Variants in TMEM97 observed in about 807,000 individuals in gnomAD.
TMEM97 encodes the protein transmembrane protein 97.
Under a neutral mutation model 18.3 loss-of-function variants are expected in TMEM97, and 13 were observed. The observed-to-expected ratio is 0.71, with a 90% confidence interval of 0.46 to 1.13. TMEM97 has a LOEUF of 1.13. Ranked by LOEUF, TMEM97 falls within the 50% of genes most tolerant of loss-of-function variation. TMEM97 has a pLI of 0.00. For synonymous variants in TMEM97, 76 were observed against 85.3 expected, an observed-to-expected ratio of 0.89 and a Z score of 0.60; for missense variants, 205 against 210.5, an observed-to-expected ratio of 0.97 and a Z score of 0.16.
rs538038865 is a variant in TMEM97 at position 28,321,800 on chromosome 17, CTGTGTG to C, written c.126+2473_126+2478del. Among the ~76,000 whole-genome samples, 371 of 132,290 alleles carry C rather than the reference CTGTGTG, an allele frequency of 2.8e-3. 1 individual carries two copies. The highest frequency in any genetic ancestry group is 8.7e-3 in the African/African-American group (298 of 34,438). 86.8% of individuals were successfully genotyped at this position (132,290 alleles called of 152,430 possible). ...AGTGCAGGCAGCATCTGGCCAGAAC[CTGTGTG>C]TGTGTGTGTGTGTGTGTGTGTGTGT... On this transcript the variant is annotated intron_variant, in intron 1 of 2. Coordinates refer to ENST00000226230, the MANE Select transcript of TMEM97 (RefSeq NM_014573.3).
chr17:28,325,862 C>T (rs1906314421), intron 2 of TMEM97: 3 of 607,002 alleles, frequency 4.9e-6, no homozygotes, highest in East Asian at 2.9e-5. Context: ...CTGCCTCAGT[C>T]GTCTGGAAAT....
intron 2 of TMEM97, chr17:28,325,941 A>G (rs1906317154): frequency 4.8e-6 from 2 of 419,492 alleles, no homozygotes; most frequent in Non-Finnish European, 8.5e-6. Context: ...TTGTTCCCCA[A>G]CAGAATTAAT....
At chr17:28,324,000 AAAT>A (rs1173595642) in intron 1 of TMEM97, among the ~76,000 whole-genome samples, 1 of 152,190 alleles carries the variant, frequency 6.6e-6, no homozygotes, top group African/African-American at 2.4e-5. Flanking sequence ...GTCTCAAAAA[AAAT>A]AATAATAATT....
At chr17:28,319,538 GT>G (rs778413700) in intron 1 of TMEM97, 173 bp downstream of exon 1, 47 of 782,870 alleles carry the variant, frequency 6.0e-5, no homozygotes, top group Admixed American at 1.9e-4. Flanking sequence ...CTCGGGCTTT[GT>G]CTCTATCCCA....
rs1555575382 is a variant in TMEM97 at position 28,325,633 on chromosome 17, A to G, written c.257A>G (p.Tyr86Cys). ...FQLPFFPIAT[Y>C]AFLKGSCKWI... ...CTGCCTTTCTTTCCCATTGCAACGT[A>G]TGCCTTCCTCAAAGGTTGGTAAATG... Residue 86 changes from tyrosine (Y) to cysteine (C), a missense_variant, in exon 2 of 3, where the codon TAT becomes TGT. Physicochemically the swap from Tyr to Cys is radical, Grantham distance 194. Transcript: ENST00000226230. The G allele has an allele frequency of 6.2e-7, 1 of 1,614,142 alleles. No homozygotes were observed. The highest frequency in any genetic ancestry group is 2.2e-5 in the East Asian group (1 of 44,884).
Position 28,325,661 on chromosome 17 carries a change from G to A in TMEM97, c.271+14G>A. 5 of 1,613,346 alleles carry A rather than the reference G, an allele frequency of 3.1e-6. No individual in the cohort carries two copies. The highest frequency in any genetic ancestry group is 4.2e-6 in the Non-Finnish European group (5 of 1,179,758). Reference sequence around the variant, plus strand: ...CCTTCCTCAAAGGTTGGTAAATGGTGGGAAAATCCCATTTTTACTCAGAAA... The same window carrying A: ...CCTTCCTCAAAGGTTGGTAAATGGTAGGAAAATCCCATTTTTACTCAGAAA... On this transcript the variant is annotated intron_variant, in intron 2 of 2. Transcript: ENST00000226230.
In TMEM97 at chr17:28,319,376, C is replaced by T; in HGVS notation, c.126+11C>T. Reference sequence around the variant, plus strand: ...CTCTACCCAGTCGAGGTGAGGGGCGCCCCTCTTATCCCGGCCCGCTGAGGC... The same window carrying T: ...CTCTACCCAGTCGAGGTGAGGGGCGTCCCTCTTATCCCGGCCCGCTGAGGC... On this transcript the variant is annotated intron_variant, in intron 1 of 2. Transcript: ENST00000226230. The T allele has an allele frequency of 6.4e-7, 1 of 1,551,796 alleles. No homozygotes were observed.
In TMEM97 at chr17:28,326,760, C is replaced by A; in HGVS notation, c.498C>A (p.Tyr166Ter). Reference sequence around the variant, plus strand: ...TAATTTTCATGTTGCGGAGCCCCTACTACAAGTATGAAGAGAAAAGAAAAA... The same window carrying A: ...TAATTTTCATGTTGCGGAGCCCCTAATACAAGTATGAAGAGAAAAGAAAAA... ...ILLIFMLRSP[Y>*]YKYEEKRKKK Residue 166 changes from tyrosine to a stop codon, truncating the protein, a stop_gained, in exon 3 of 3, where the codon TAC becomes TAA. Transcript: ENST00000226230. LOFTEE classifies it high-confidence loss of function. 1 of 1,613,676 alleles carries A rather than the reference C, an allele frequency of 6.2e-7. No individual in the cohort carries two copies. Among genetic ancestry groups the A allele is most frequent in the Non-Finnish European group, 8.5e-7 (1 of 1,179,986 alleles).
chr17:28,320,994 A>G (rs1555574856), intron 1 of TMEM97, among the ~76,000 whole-genome samples: 1 of 152,238 alleles, frequency 6.6e-6, no homozygotes, highest in Non-Finnish European at 1.5e-5. Flanking sequence ...CCTTTTGCCA[A>G]ATAAAGTAAT....
Position 28,319,335 on chromosome 17 carries a change from G to C in TMEM97, c.96G>C (p.Ala32=), listed in dbSNP as rs782254376. ...TCACCCTGTTCATGGACCTGCAGGC[G>C]GTGCTGCCGCGCGAGCTCTACCCAG... ...IPITLFMDLQ[A]VLPRELYPVE... The change falls in exon 1 of 3, where the codon GCG becomes GCC. Residue 32 remains alanine, a synonymous_variant. Transcript: ENST00000226230. 6.2e-7 allele frequency: 1 copy of C among 1,606,300 alleles called. No individual in the cohort carries two copies. The highest frequency in any genetic ancestry group is 8.5e-7 in the Non-Finnish European group (1 of 1,176,626).
chr17:28,326,945 C>A lies in TMEM97; in HGVS notation c.*152C>A. The A allele has an allele frequency of 7.4e-6, 7 of 944,308 alleles. No homozygotes were observed. The highest frequency in any genetic ancestry group is 1.1e-5 in the Non-Finnish European group (7 of 635,078). The allele number at this position is 944,308 out of a possible 1,614,324, so 58.5% of individuals were successfully genotyped here. On this transcript the variant is annotated 3_prime_UTR_variant, in exon 3 of 3. Coordinates refer to ENST00000226230, the MANE Select transcript of TMEM97 (RefSeq NM_014573.3). ...AGCAAGATGGTGTCAGGAACCATGT[C>A]AAACCCTCACCTTCTTCCATTTTTT...
Position 28,327,540 on chromosome 17 carries a change from T to C in TMEM97, c.*747T>C, listed in dbSNP as rs1162389038. On this transcript the variant is annotated 3_prime_UTR_variant, in exon 3 of 3. Transcript: ENST00000226230. The stretch of plus-strand genomic sequence containing the variant: ...AAGAGTGTATCACCTGTCAGCAAAA[T>C]GAATAGTGGGATATTTTGGGCCATT... 2 of 152,194 alleles carry C rather than the reference T, an allele frequency of 1.3e-5. No homozygotes were observed. Among genetic ancestry groups the C allele is most frequent in the Non-Finnish European group, 2.9e-5 (2 of 68,024 alleles). The allele number at this position is 152,194 out of a possible 1,614,324, so 9.4% of individuals were successfully genotyped here.
rs1555574646 is a variant in TMEM97, at chr17:28,319,224, G to A, written c.-16G>A. On this transcript the variant is annotated 5_prime_UTR_variant, in exon 1 of 3. Transcript: ENST00000226230. Reference sequence around the variant, plus strand: ...CCTCTTCTCACATCAGCGGGTCCAGGCCCAACCGACAGACTATGGGGGCTC... The same window carrying A: ...CCTCTTCTCACATCAGCGGGTCCAGACCCAACCGACAGACTATGGGGGCTC... 2 of 1,597,258 alleles carry A rather than the reference G, an allele frequency of 1.3e-6. No homozygotes were observed. The highest frequency in any genetic ancestry group is 1.7e-6 in the Non-Finnish European group (2 of 1,171,400).
At chr17:28,321,184 T>A (rs1437221156) in intron 1 of TMEM97, among the ~76,000 whole-genome samples, 1 of 152,246 alleles carries the variant, frequency 6.6e-6, no homozygotes, top group Non-Finnish European at 1.5e-5. Flanking sequence ...CTGTGGTTTT[T>A]GAAACCTGTG....
At chr17:28,325,361 C>CA in intron 1 of TMEM97, 142 bp from the exon 2 acceptor site, 1 of 1,060,710 alleles carries the variant, frequency 9.4e-7, no homozygotes, top group South Asian at 1.7e-5. Flanking sequence ...TCACAAAAGC[C>CA]AGCTGGACAT....
chr17:28,326,354 GGTGAGCTGTCA>G (rs1906332536), intron 2 of TMEM97, among the ~76,000 whole-genome samples, 169 bp from the exon 3 acceptor site: 1 of 152,130 alleles, frequency 6.6e-6, no homozygotes, highest in African/African-American at 2.4e-5. Flanking sequence ...GCGAGCTGTC[GGTGAGCTGTCA>G]CGTAAGTCTG....
Position 28,326,957 on chromosome 17 carries a change from T to C in TMEM97, c.*164T>C. ...TCAGGAACCATGTCAAACCCTCACC[T>C]TCTTCCATTTTTTTTTTTTTTTTAA... On this transcript the variant is annotated 3_prime_UTR_variant, in exon 3 of 3. Coordinates refer to ENST00000226230, the MANE Select transcript of TMEM97 (RefSeq NM_014573.3). The C allele has an allele frequency of 1.2e-6, 1 of 868,676 alleles. No homozygotes were observed. 53.8% of individuals were successfully genotyped at this position (868,676 alleles called of 1,614,324 possible). A position where few individuals can be genotyped will look rare whatever the true frequency, so the allele number is the denominator to read the frequency against.
In TMEM97 at chr17:28,325,487, T is replaced by C. The variant is rs370212649; in HGVS notation, c.127-16T>C. ...GGCAAGTGGCTGTAATTCATCATGA[T>C]CGTTTTCTTTTTCAGTTTAGAAACC... On this transcript the variant is annotated splice_polypyrimidine_tract_variant and intron_variant, in intron 1 of 2. Transcript: ENST00000226230. 60 of 1,611,944 alleles carry C rather than the reference T, an allele frequency of 3.7e-5. No individual in the cohort carries two copies. The highest frequency in any genetic ancestry group is 1.4e-5 in the Non-Finnish European group (16 of 1,179,446).
chr17:28,323,139 C>G (rs1415725162), intron 1 of TMEM97, among the ~76,000 whole-genome samples: 1 of 152,194 alleles, frequency 6.6e-6, no homozygotes. Context: ...ACACGCCTCA[C>G]CCATCTGCCA....
Sources: allele counts gnomAD v4.1 joint callset (sites outside exome capture counted in the v4.1 genomes callset), GRCh38; gene constraint gnomAD v4.1.1; transcripts MANE v1.5; gene names NCBI Gene and HGNC (gene_info 2026-07-23, HGNC 2026-07-21).